The following MBP variants were observed in gnomAD, a reference collection of about 807,000 sequenced individuals.
MBP encodes Golli-MBP.
MBP carries 16 observed loss-of-function variants against 35.8 expected under a neutral mutation model. That is an observed-to-expected ratio of 0.45 (90% CI 0.30 to 0.68). The LOEUF is 0.68. Among genes scored for constraint, MBP ranks in the 30% least tolerant of loss-of-function variants. MBP has a pLI of 0.08. For missense variants in MBP, 380 were observed against 404.7 expected, an observed-to-expected ratio of 0.94 and a Z score of 0.52; for synonymous variants, 143 against 159.6, an observed-to-expected ratio of 0.90 and a Z score of 0.78.
At position 76,984,600 on chromosome 18, in the gene MBP, G is replaced by A. The variant is rs1458784075; in HGVS notation, c.870+175C>T. On this transcript the variant is annotated intron_variant, in intron 8 of 8. Coordinates refer to ENST00000355994, the MANE Select transcript of MBP (RefSeq NM_001025101.2). ...CACATGCATCTCGGAGGAAATCCAC[G>A]CGTAAATGCGGGTGGGCAATGCCAC... is the stretch of plus-strand genomic sequence containing the variant. The A allele has an allele frequency of 3.2e-5, 25 of 773,316 alleles. 1 individual carries two copies. Among genetic ancestry groups the A allele is most frequent in the Non-Finnish European group, 4.5e-5 (22 of 483,972 alleles). 47.9% of individuals were successfully genotyped at this position (773,316 alleles called of 1,614,324 possible).
In MBP at chr18:77,033,789, T is replaced by TCCAC. The variant is rs1158287320; in HGVS notation, c.140-16522_140-16521insGTGG. On this transcript the variant is annotated intron_variant, in intron 3 of 8. Transcript: ENST00000355994. ...ATCCATCCATCCATCCATCCATCCA[T>TCCAC]CCATCCACCCACTCACCCATCCACA... Among the ~76,000 whole-genome samples, 101 of 142,542 alleles carry TCCAC rather than the reference T, an allele frequency of 7.1e-4. 1 individual carries two copies. Among genetic ancestry groups the TCCAC allele is most frequent in the East Asian group, 4.7e-3 (22 of 4,650 alleles). 93.5% of individuals were successfully genotyped at this position (142,542 alleles called of 152,430 possible). A position where few individuals can be genotyped will look rare whatever the true frequency, so the allele number is the denominator to read the frequency against.
At chr18:76,983,963 TCTC>T (rs1274862064) in intron 8 of MBP, 3 of 152,340 alleles carry the variant, frequency 2.0e-5, no homozygotes, top group Admixed American at 2.0e-4. Context: ...AGAAGCCTGG[TCTC>T]CTCCAGGATG....
chr18:76,991,744 C>T (rs1053575797), intron 4 of MBP, among the ~76,000 whole-genome samples: 2 of 152,186 alleles, frequency 1.3e-5, no homozygotes, highest in Non-Finnish European at 2.9e-5. Context: ...ATGCTGGCTG[C>T]GCCCCGTCGA....
intron 4 of MBP, among the ~76,000 whole-genome samples, chr18:77,010,329 CTG>C (rs1971272876): frequency 6.6e-6 from 1 of 152,214 alleles, no homozygotes; most frequent in African/African-American, 2.4e-5. Flanking sequence ...CTTTCCCAGT[CTG>C]GAGCAAAGTG....
intron 2 of MBP, 26 bp from the exon 3 acceptor site, chr18:77,066,411 C>T (rs759978266): frequency 7.2e-7 from 1 of 1,384,254 alleles, no homozygotes; most frequent in South Asian, 1.2e-5. Flanking sequence ...ACAACAAACC[C>T]TTTTCTTAAG....
rs1240074302 is a variant in MBP at position 77,101,555 on chromosome 18, C to G, written c.51+3656G>C. 6.8e-6 allele frequency among the ~76,000 whole-genome samples: 1 copy of G among 146,360 alleles called. No homozygotes were observed. ...GTGCTTCTGCCTGAATCTGATGTCT[C>G]CTGTTCTGACCCTCAACTGGCCCAG... On this transcript the variant is annotated intron_variant, in intron 2 of 8. Transcript: ENST00000355994. This position sits in a 1 kb window ranked among gnomAD's most constrained non-coding sequence, Gnocchi z 4.3.
intron 3 of MBP, among the ~76,000 whole-genome samples, chr18:77,026,235 CA>C (rs1469953999): frequency 3.3e-5 from 5 of 152,278 alleles, no homozygotes; most frequent in Non-Finnish European, 7.3e-5. Context: ...GGGCGGCTGT[CA>C]GCCGCAACCG....
chr18:77,010,041 A>C lies in MBP; in HGVS notation c.576+6791T>G. On this transcript the variant is annotated intron_variant, in intron 4 of 8. Transcript: ENST00000355994. Reference sequence around the variant, plus strand: ...GGCTTGGCAAGAGCCCAGAGTGAGGAGGAGTGAGCGGGGGGTGGAGGATGA... The same window carrying C: ...GGCTTGGCAAGAGCCCAGAGTGAGGCGGAGTGAGCGGGGGGTGGAGGATGA... 2.8e-6 allele frequency: 2 copies of C among 718,790 alleles called. 1 individual carries two copies. Among genetic ancestry groups the C allele is most frequent in the South Asian group, 3.2e-5 (2 of 63,088 alleles). 44.5% of individuals were successfully genotyped at this position (718,790 alleles called of 1,614,324 possible).
At chr18:77,121,157 T>C (rs903528277) in intron 1 of MBP, among the ~76,000 whole-genome samples, 5 of 151,962 alleles carry the variant, frequency 3.3e-5, no homozygotes, top group African/African-American at 1.2e-4. Context: ...ATACAAAAAT[T>C]AGCCTGGTGT....
chr18:76,985,849 C>T (rs1969528434), intron 7 of MBP: 7 of 988,674 alleles, frequency 7.1e-6, no homozygotes, highest in Non-Finnish European at 7.2e-6. Flanking sequence ...GCTTTGGTGC[C>T]AGCTGTCATT....
chr18:76,983,029 T>C (rs470826), intron 8 of MBP: 104,258 of 152,200 alleles, frequency 0.69, 35,807 homozygotes, highest in African/African-American at 0.73. Context: ...AATGCAGCTT[T>C]CTGTTCCTCA....
chr18:77,078,274 G>A (rs1411330349), intron 2 of MBP, among the ~76,000 whole-genome samples: 1 of 152,188 alleles, frequency 6.6e-6, no homozygotes, highest in Non-Finnish European at 1.5e-5. Context: ...GGGGCTGAAA[G>A]CTGCTTTTTG....
chr18:77,132,848 T>G (rs1467728721), upstream of MBP: 4 of 151,686 alleles, frequency 2.6e-5, no homozygotes, highest in African/African-American at 4.8e-5. Flanking sequence ...CCGGGCTTCC[T>G]GCGAGCCAGG....
chr18:77,096,415 C>G (rs959219135), intron 2 of MBP, among the ~76,000 whole-genome samples: 1 of 152,012 alleles, frequency 6.6e-6, no homozygotes, highest in Admixed American at 6.6e-5. Context: ...AGGTGCAGAG[C>G]GTATGCCTCA....
rs189281834 is a variant in MBP at position 76,989,420 on chromosome 18, G to A, written c.682-508C>T. Among the ~76,000 whole-genome samples, 2 of 152,226 alleles carry A rather than the reference G, an allele frequency of 1.3e-5. No individual in the cohort carries two copies. Among genetic ancestry groups the A allele is most frequent in the East Asian group, 3.9e-4 (2 of 5,184 alleles). On this transcript the variant is annotated intron_variant, in intron 5 of 8. Transcript: ENST00000355994. This position sits in a 1 kb window ranked among gnomAD's most constrained non-coding sequence, Gnocchi z 4.0. The stretch of plus-strand genomic sequence containing the variant: ...TCTTCGTTTTGCATGGCACTTTTCG[G>A]TTTACAGAAAAACTGTGCAGAAATT...
intron 1 of MBP, among the ~76,000 whole-genome samples, chr18:77,132,177 G>A (rs1476771798): frequency 2.6e-5 from 4 of 151,786 alleles, no homozygotes. Context: ...CCCACGGCCC[G>A]AGGCCGAGCG....
At chr18:76,982,132 C>T (rs1285764916) in intron 8 of MBP, 1 of 152,290 alleles carries the variant, frequency 6.6e-6, no homozygotes, top group Non-Finnish European at 1.5e-5. Flanking sequence ...CTTTTGTGCT[C>T]ACAGCACCTC....
chr18:77,016,007 C>T (rs896692218), intron 4 of MBP: 2 of 985,306 alleles, frequency 2.0e-6, no homozygotes, highest in African/African-American at 3.5e-5. Flanking sequence ...TACACAACCA[C>T]CAAACACTCT....
intron 3 of MBP, among the ~76,000 whole-genome samples, chr18:77,063,920 GTGTA>G (rs996207500): frequency 8.4e-5 from 12 of 143,442 alleles, no homozygotes; most frequent in East Asian, 2.0e-4. Flanking sequence ...GTGTGTGTGT[GTGTA>G]TGTGTGTATT....
Sources: allele counts gnomAD v4.1 joint callset (sites outside exome capture counted in the v4.1 genomes callset), GRCh38; gene constraint gnomAD v4.1.1; non-coding constraint Gnocchi (gnomAD v3.1); transcripts MANE v1.5; gene names NCBI Gene and HGNC (gene_info 2026-07-23, HGNC 2026-07-21).